DACH1: variants seen among roughly 807,000 people sequenced by gnomAD.
The protein encoded by DACH1 is dachshund homolog 1.
A neutral mutation model predicts 54.2 loss-of-function variants in DACH1; 12 were observed. The ratio of observed to expected loss-of-function variants is 0.22; its 90% CI spans 0.14 to 0.36. DACH1 has a LOEUF of 0.36. Ranked by LOEUF, DACH1 falls within the 10% of genes least tolerant of loss-of-function variation. The probability of loss-of-function intolerance (pLI) is 1.00; values close to 1 mark genes in which losing one functional copy is unlikely to be tolerated. For synonymous variants in DACH1, 386 were observed against 366.2 expected (o/e 1.05, Z -0.62); for missense variants, 805 against 929.8 (o/e 0.87, Z 1.75).
At chr13:71,553,652 G>GTATATATATA (rs368486773) in intron 6 of DACH1, among the ~76,000 whole-genome samples, 7 of 138,464 alleles carry the variant, frequency 5.1e-5, no homozygotes, top group African/African-American at 1.8e-4. Context: ...TATATATATA[G>GTATATATATA]TATATATATA....
chr13:71,499,641 A>G (rs1879746267), intron 6 of DACH1, among the ~76,000 whole-genome samples: 1 of 152,186 alleles, frequency 6.6e-6, no homozygotes, highest in Non-Finnish European at 1.5e-5. Context: ...CTTTTTTTTC[A>G]GAACTCAGAA....
At chr13:71,501,525 A>C (rs1352009158) in intron 6 of DACH1, among the ~76,000 whole-genome samples, 1 of 152,212 alleles carries the variant, frequency 6.6e-6, no homozygotes, top group Admixed American at 6.5e-5. Context: ...TTGCTTCAAA[A>C]ATCTCTGGAA....
chr13:71,586,720 T>C (rs969884563), intron 3 of DACH1, among the ~76,000 whole-genome samples: 2 of 152,082 alleles, frequency 1.3e-5, no homozygotes, highest in African/African-American at 2.4e-5. Flanking sequence ...ATGCAGAAAG[T>C]ACTTATTATC....
intron 3 of DACH1, among the ~76,000 whole-genome samples, chr13:71,608,459 C>T (rs544742918): frequency 6.6e-6 from 1 of 152,054 alleles, no homozygotes; most frequent in African/African-American, 2.4e-5. Context: ...GACTATCATA[C>T]CAATAGTCTG....
At chr13:71,561,461 G>A (rs1045382207) in intron 4 of DACH1, among the ~76,000 whole-genome samples, 2 of 152,150 alleles carry the variant, frequency 1.3e-5, no homozygotes, top group Non-Finnish European at 2.9e-5. Flanking sequence ...TGTGACCATA[G>A]AGGAAGAGAT....
At position 71,830,528 on chromosome 13, in the gene DACH1, A is replaced by C. The variant is rs186880071; in HGVS notation, c.848+35394T>G. On this transcript the variant is annotated intron_variant, in intron 1 of 10. Coordinates refer to ENST00000613252, the MANE Select transcript of DACH1 (RefSeq NM_080759.6). ...TGAAATCTGTCTACTCACCTACTTA[A>C]GCATATATAAATGAGGAAGAGACAA... 4.2e-3 allele frequency among the ~76,000 whole-genome samples: 631 copies of C among 152,004 alleles called. 3 individuals carry two copies. Among genetic ancestry groups the C allele is most frequent in the Non-Finnish European group, 6.4e-3 (434 of 67,878 alleles).
At chr13:71,851,729 C>T (rs1356561267) in intron 1 of DACH1, among the ~76,000 whole-genome samples, 1 of 152,152 alleles carries the variant, frequency 6.6e-6, no homozygotes. Context: ...TAGCTCAATA[C>T]TGATGAGCAT....
chr13:71,579,549 A>C (rs1885736587), intron 3 of DACH1, among the ~76,000 whole-genome samples: 1 of 152,126 alleles, frequency 6.6e-6, no homozygotes, highest in Non-Finnish European at 1.5e-5. Context: ...ATCCTGAGAA[A>C]CTGGATAATT....
At chr13:71,457,244 G>T (rs969768892) in intron 10 of DACH1, among the ~76,000 whole-genome samples, 6 of 151,936 alleles carry the variant, frequency 3.9e-5, no homozygotes, top group African/African-American at 1.4e-4. Flanking sequence ...TACTTGAAAG[G>T]ACTGGTATCC....
At chr13:71,548,816 T>C (rs1407440984) in intron 6 of DACH1, among the ~76,000 whole-genome samples, 1 of 151,970 alleles carries the variant, frequency 6.6e-6, no homozygotes, top group African/African-American at 2.4e-5. Context: ...TTCGGGAGGC[T>C]GAGACCCAAG....
chr13:71,837,568 C>T (rs574929226), intron 1 of DACH1, among the ~76,000 whole-genome samples: 1 of 152,066 alleles, frequency 6.6e-6, no homozygotes, highest in Admixed American at 6.6e-5. Flanking sequence ...GCTTATATTC[C>T]TTTTCAACCA....
intron 4 of DACH1, among the ~76,000 whole-genome samples, chr13:71,569,603 C>T (rs898863269): frequency 1.3e-5 from 2 of 152,074 alleles, no homozygotes; most frequent in Non-Finnish European, 2.9e-5. Flanking sequence ...CATGTACTGG[C>T]ATTGATATGT....
At chr13:71,596,846 A>C (rs1874133154) in intron 3 of DACH1, among the ~76,000 whole-genome samples, 1 of 152,188 alleles carries the variant, frequency 6.6e-6, no homozygotes, top group African/African-American at 2.4e-5. Flanking sequence ...TATATTCAAA[A>C]TTTGTGGGCA....
At chr13:71,788,961 A>G (rs1886722091) in intron 1 of DACH1, among the ~76,000 whole-genome samples, 1 of 152,152 alleles carries the variant, frequency 6.6e-6, no homozygotes, top group Admixed American at 6.6e-5. Flanking sequence ...CAGTGTTGAC[A>G]AATATGATAC....
At chr13:71,771,355 A>AATC (rs1231964704) in intron 1 of DACH1, among the ~76,000 whole-genome samples, 32 of 150,508 alleles carry the variant, frequency 2.1e-4, no homozygotes, top group South Asian at 1.1e-3. Context: ...ATAAATAAAT[A>AATC]AATCTTTGCC....
At chr13:71,470,762 C>A (rs189224903) in intron 10 of DACH1, among the ~76,000 whole-genome samples, 4 of 152,310 alleles carry the variant, frequency 2.6e-5, no homozygotes, top group South Asian at 2.1e-4. Context: ...ATGGCTGATT[C>A]ATTCCTTCAG....
intron 3 of DACH1, among the ~76,000 whole-genome samples, chr13:71,620,388 CAT>C (rs1035432568): frequency 5.3e-4 from 80 of 152,012 alleles, no homozygotes; most frequent in African/African-American, 1.9e-3. Flanking sequence ...CAAAAACAAA[CAT>C]GAGTAAAATG....
At chr13:71,458,987 A>T (rs1875832864) in intron 10 of DACH1, among the ~76,000 whole-genome samples, 1 of 151,886 alleles carries the variant, frequency 6.6e-6, no homozygotes, top group Non-Finnish European at 1.5e-5. Flanking sequence ...TCAGTGTATA[A>T]GCATTTGTTA....
At chr13:71,493,845 A>T (rs753692309) in intron 6 of DACH1, among the ~76,000 whole-genome samples, 1 of 152,190 alleles carries the variant, frequency 6.6e-6, no homozygotes, top group South Asian at 2.1e-4. Context: ...TTTTAAAATT[A>T]TTAATTTCAA....
Sources: gnomAD v4.1 joint callset for allele counts (sites outside exome capture counted in the v4.1 genomes callset) on GRCh38, gnomAD v4.1.1 for gene constraint, MANE v1.5 for transcripts, NCBI Gene and HGNC (gene_info 2026-07-23, HGNC 2026-07-21) for gene names.